The following GDAP2 variants were observed in gnomAD, a reference collection of about 807,000 sequenced individuals.
GDAP2 encodes the protein ganglioside induced differentiation associated protein 2.
GDAP2 carries 51 observed loss-of-function variants against 67.0 expected under a neutral mutation model. The ratio of observed to expected loss-of-function variants is 0.76; its 90% confidence interval spans 0.61 to 0.96. The LOEUF (loss-of-function observed/expected upper bound fraction) is 0.96. Among genes scored for constraint, GDAP2 ranks in the 40% least tolerant of loss-of-function variants. GDAP2 has a pLI of 0.00. For synonymous variants in GDAP2, 203 were observed against 207.3 expected (o/e 0.98, Z 0.18); for missense variants, 547 against 588.3 (o/e 0.93, Z 0.73).
In GDAP2 at chr1:117,864,560, T is replaced by C. The variant is rs1647998168; in HGVS notation, c.*6009A>G. The C allele has an allele frequency of 6.6e-6, 1 of 152,232 alleles. No individual in the cohort carries two copies. Among genetic ancestry groups the C allele is most frequent in the Non-Finnish European group, 1.5e-5 (1 of 68,032 alleles). 9.4% of individuals were successfully genotyped at this position (152,232 alleles called of 1,614,324 possible). On this transcript the variant is annotated 3_prime_UTR_variant, in exon 14 of 14. Transcript: ENST00000369443. Reference sequence around the variant, plus strand: ...GTCAAAACATCACTATTTAATACTATTTTAAATTTTATTAGTTTTATAGTT... The same window carrying C: ...GTCAAAACATCACTATTTAATACTACTTTAAATTTTATTAGTTTTATAGTT...
chr1:117,871,832 A>T (rs1420966035), intron 13 of GDAP2, among the ~76,000 whole-genome samples: 2 of 151,956 alleles, frequency 1.3e-5, no homozygotes, highest in African/African-American at 4.8e-5. Flanking sequence ...ACCTTTTTTT[A>T]AAATTGAAAA....
rs538084559 is a variant in GDAP2 at position 117,876,382 on chromosome 1, C to G, written c.1446+1627G>C. ...CTGAGTCCCTCACCAGAAGCAGATG[C>G]TGGTGCCCTGCTTCTCATACAGCCT... On this transcript the variant is annotated intron_variant, in intron 13 of 13. Coordinates refer to ENST00000369443, the MANE Select transcript of GDAP2 (RefSeq NM_017686.4). Among the ~76,000 whole-genome samples, 42 of 152,314 alleles carry G rather than the reference C, an allele frequency of 2.8e-4. No individual in the cohort carries two copies. In the East Asian group the frequency reaches 5.0e-3, roughly 18 times the overall value.
At chr1:117,894,061 C>T (rs1306806931) in intron 8 of GDAP2, among the ~76,000 whole-genome samples, 1 of 152,038 alleles carries the variant, frequency 6.6e-6, no homozygotes, top group Non-Finnish European at 1.5e-5. Context: ...ACTGTAATAT[C>T]ACATAGTGAG....
intron 8 of GDAP2, among the ~76,000 whole-genome samples, chr1:117,895,407 C>T (rs1299314082): frequency 2.6e-5 from 4 of 151,994 alleles, no homozygotes; most frequent in Admixed American, 2.0e-4. Context: ...AAAAAAAACA[C>T]TGCTATCTTT....
chr1:117,917,638 CAG>C (rs1400877465), intron 3 of GDAP2, among the ~76,000 whole-genome samples: 1 of 152,176 alleles, frequency 6.6e-6, no homozygotes, highest in Non-Finnish European at 1.5e-5. Context: ...TATTAAAGAG[CAG>C]AGTTATAACA....
intron 7 of GDAP2, among the ~76,000 whole-genome samples, chr1:117,898,312 G>A (rs1011824601): frequency 6.6e-6 from 1 of 152,184 alleles, no homozygotes; most frequent in African/African-American, 2.4e-5. Context: ...TTGGTTTCCA[G>A]ATATTTCACA....
At chr1:117,912,916 A>G (rs1649910759) in intron 3 of GDAP2, among the ~76,000 whole-genome samples, 2 of 152,232 alleles carry the variant, frequency 1.3e-5, no homozygotes, top group African/African-American at 2.4e-5. Flanking sequence ...CATGAAGCAG[A>G]TAAGCATCAT....
chr1:117,899,549 C>T (rs1271594245), intron 6 of GDAP2, among the ~76,000 whole-genome samples: 1 of 152,214 alleles, frequency 6.6e-6, no homozygotes, highest in African/African-American at 2.4e-5. Context: ...CAGATGCTAG[C>T]TACTTCCTTA....
chr1:117,892,749 T>A (rs567777841), intron 8 of GDAP2, among the ~76,000 whole-genome samples: 1 of 152,166 alleles, frequency 6.6e-6, no homozygotes, highest in South Asian at 2.1e-4. Context: ...TAAATTACCA[T>A]CCACCTGTAC....
In GDAP2 at chr1:117,870,540, G is replaced by A; in HGVS notation, c.*29C>T. 1 of 1,461,264 alleles carries A rather than the reference G, an allele frequency of 6.8e-7. No homozygotes were observed. Among genetic ancestry groups the A allele is most frequent in the South Asian group, 1.1e-5 (1 of 88,036 alleles). The allele number at this position is 1,461,264 out of a possible 1,614,324, so 90.5% of individuals were successfully genotyped here. On this transcript the variant is annotated 3_prime_UTR_variant, in exon 14 of 14. Coordinates refer to ENST00000369443, the MANE Select transcript of GDAP2 (RefSeq NM_017686.4). ...TATTCGTGGAGGAAGTGGCATCCTG[G>A]GAACCAAGAAGCACTGAAAGATGGC...
Position 117,865,322 on chromosome 1 carries a change from T to C in GDAP2, c.*5247A>G, listed in dbSNP as rs147811941. The C allele has an allele frequency of 5.8e-4, 88 of 152,322 alleles. No homozygotes were observed. The highest frequency in any genetic ancestry group is 1.3e-3 in the African/African-American group (54 of 41,580). 9.4% of individuals were successfully genotyped at this position (152,322 alleles called of 1,614,324 possible). On this transcript the variant is annotated 3_prime_UTR_variant, in exon 14 of 14. Transcript: ENST00000369443. ...TGATTCTTCATAGGCTATATTTGTA[T>C]AGAGTGAGACCCTCTTTAAAAGGGA...
chr1:117,896,413 C>T (rs1047952507), intron 8 of GDAP2, among the ~76,000 whole-genome samples: 3 of 152,124 alleles, frequency 2.0e-5, no homozygotes, highest in Non-Finnish European at 2.9e-5. Flanking sequence ...TAAGGTCCTT[C>T]GGATAAGTCA....
In GDAP2 at chr1:117,869,051, A is replaced by C. The variant is rs1467312980; in HGVS notation, c.*1518T>G. 1 of 152,204 alleles carries C rather than the reference A, an allele frequency of 6.6e-6. No individual in the cohort carries two copies. Among genetic ancestry groups the C allele is most frequent in the Non-Finnish European group, 1.5e-5 (1 of 68,034 alleles). 9.4% of individuals were successfully genotyped at this position (152,204 alleles called of 1,614,324 possible). On this transcript the variant is annotated 3_prime_UTR_variant, in exon 14 of 14. Transcript: ENST00000369443. ...TTTCTTTGATCTCCAATGAAGAATT[A>C]GTTTGGGCAGAAAAGAATGGGACCC...
At chr1:117,870,976 T>G (rs1213214799) in intron 13 of GDAP2, among the ~76,000 whole-genome samples, 1 of 152,196 alleles carries the variant, frequency 6.6e-6, no homozygotes, top group Non-Finnish European at 1.5e-5. Flanking sequence ...ATTGCATAAT[T>G]TGCCTAAAGT....
At position 117,868,016 on chromosome 1, in the gene GDAP2, A is replaced by C. The variant is rs1228178889; in HGVS notation, c.*2553T>G. On this transcript the variant is annotated 3_prime_UTR_variant, in exon 14 of 14. Coordinates refer to ENST00000369443, the MANE Select transcript of GDAP2 (RefSeq NM_017686.4). Reference sequence around the variant, plus strand: ...ATTTGGCATGACCAAAGTTTAATTAAATTAAAGACTTGGTGGTGCTTTGAA... The same window carrying C: ...ATTTGGCATGACCAAAGTTTAATTACATTAAAGACTTGGTGGTGCTTTGAA... 6.6e-6 allele frequency: 1 copy of C among 152,232 alleles called. No individual in the cohort carries two copies. The highest frequency in any genetic ancestry group is 1.5e-5 in the Non-Finnish European group (1 of 68,042). The allele number at this position is 152,232 out of a possible 1,614,324, so 9.4% of individuals were successfully genotyped here. A position where few individuals can be genotyped will look rare whatever the true frequency, so the allele number is the denominator to read the frequency against.
intron 6 of GDAP2, 21 bp from the exon 7 acceptor site, chr1:117,899,237 A>G: frequency 6.3e-7 from 1 of 1,580,522 alleles, no homozygotes; most frequent in Non-Finnish European, 8.7e-7. Context: ...AAAGCAAGAC[A>G]TTCTGTGAAA....
chr1:117,897,135 A>G, intron 7 of GDAP2, 146 bp from the exon 8 acceptor site: 1 of 542,566 alleles, frequency 1.8e-6, no homozygotes, highest in Non-Finnish European at 3.2e-6. Context: ...AATCAGATTT[A>G]GGCATTTGTA....
At chr1:117,896,652 A>G (rs1274924983) in intron 8 of GDAP2, 181 bp downstream of exon 8, 2 of 443,556 alleles carry the variant, frequency 4.5e-6, no homozygotes, top group South Asian at 5.3e-5. Context: ...GTGGCCACTG[A>G]TAACTTTCTT....
intron 13 of GDAP2, 31 bp downstream of exon 13, chr1:117,877,978 C>A: frequency 6.2e-7 from 1 of 1,611,682 alleles, no homozygotes; most frequent in Non-Finnish European, 8.5e-7. Flanking sequence ...TATACCATAC[C>A]AGGTGAGGGA....
Sources: gnomAD v4.1 joint callset for allele counts (sites outside exome capture counted in the v4.1 genomes callset) on GRCh38, gnomAD v4.1.1 for gene constraint, MANE v1.5 for transcripts, NCBI Gene and HGNC (gene_info 2026-07-23, HGNC 2026-07-21) for gene names.